The following HPSE2 variants were observed in gnomAD, a reference collection of about 807,000 sequenced individuals.
HPSE2 encodes the protein inactive heparanase-2.
HPSE2 carries 38 observed loss-of-function variants against 60.5 expected under a neutral mutation model. The observed-to-expected ratio is 0.63, with a 90% CI of 0.48 to 0.82. The LOEUF is 0.82. Among genes scored for constraint, HPSE2 ranks in the 40% least tolerant of loss-of-function variants. The pLI is 0.00. For synonymous variants in HPSE2, 295 were observed against 293.2 expected (o/e 1.01, Z -0.06); for missense variants, 713 against 740.4 (o/e 0.96, Z 0.43).
chr10:98,760,587 T>C (rs1053245833), intron 3 of HPSE2, among the ~76,000 whole-genome samples: 2 of 152,154 alleles, frequency 1.3e-5, no homozygotes, highest in African/African-American at 4.8e-5. Context: ...TCTGTTAATA[T>C]GGTATATCAC....
intron 3 of HPSE2, among the ~76,000 whole-genome samples, chr10:99,048,629 T>G (rs943542390): frequency 6.6e-6 from 1 of 152,176 alleles, no homozygotes; most frequent in Non-Finnish European, 1.5e-5. Context: ...ACACTGTTTT[T>G]GGGAATGTAA....
At chr10:98,709,608 C>T (rs1433515270) in intron 5 of HPSE2, among the ~76,000 whole-genome samples, 2 of 152,152 alleles carry the variant, frequency 1.3e-5, no homozygotes, top group African/African-American at 4.8e-5. Flanking sequence ...TATTTGGGGG[C>T]CTTCCCATCA....
chr10:98,588,391 T>C (rs1944996124), intron 9 of HPSE2, among the ~76,000 whole-genome samples: 1 of 152,120 alleles, frequency 6.6e-6, no homozygotes, highest in African/African-American at 2.4e-5. Flanking sequence ...TGACTTTTCA[T>C]ATGGAGCTGC....
At chr10:99,256,767 G>A in the HPSE2 span, among the ~76,000 whole-genome samples, 1 of 152,120 alleles carries the variant, frequency 6.6e-6, no homozygotes, top group Non-Finnish European at 1.5e-5. Flanking sequence ...AAGATTGTAG[G>A]TTATGGCTGG....
chr10:98,788,720 G>C (rs535169624), intron 3 of HPSE2, among the ~76,000 whole-genome samples: 4 of 151,824 alleles, frequency 2.6e-5, no homozygotes, highest in Non-Finnish European at 5.9e-5. Flanking sequence ...AGGTGCGTCC[G>C]TCACCCCTTT....
chr10:99,015,981 T>C (rs1957131734), intron 3 of HPSE2, among the ~76,000 whole-genome samples: 1 of 152,162 alleles, frequency 6.6e-6, no homozygotes, highest in Non-Finnish European at 1.5e-5. Context: ...TGTTCTACCA[T>C]TCTGTAGGCT....
At position 98,603,034 on chromosome 10, in the gene HPSE2, T is replaced by C. The variant is rs143369651; in HGVS notation, c.1320+11870A>G. Among the ~76,000 whole-genome samples, 454 of 152,286 alleles carry C rather than the reference T, an allele frequency of 3.0e-3. 1 individual carries two copies. Among genetic ancestry groups the C allele is most frequent in the Middle Eastern group, 0.014 (4 of 294 alleles). The stretch of plus-strand genomic sequence containing the variant: ...ATTGGACTTCTGGTTTCCACTTCCA[T>C]ATATGAGGAGTTTAGAAGTCACCAT... On this transcript the variant is annotated intron_variant, in intron 9 of 11. Coordinates refer to ENST00000370552, the MANE Select transcript of HPSE2 (RefSeq NM_021828.5).
chr10:99,297,668 G>A, the HPSE2 span, among the ~76,000 whole-genome samples: 2 of 152,146 alleles, frequency 1.3e-5, no homozygotes, highest in African/African-American at 4.8e-5. Flanking sequence ...AGAGACCCCT[G>A]TTTTGTTCAC....
the HPSE2 span, among the ~76,000 whole-genome samples, chr10:99,314,143 G>A: frequency 8.5e-5 from 13 of 152,246 alleles, no homozygotes; most frequent in African/African-American, 2.9e-4. Flanking sequence ...ATGAGCTTTA[G>A]CATTTTTCAG....
At chr10:98,570,507 T>C (rs543495211) in intron 9 of HPSE2, among the ~76,000 whole-genome samples, 8 of 152,080 alleles carry the variant, frequency 5.3e-5, no homozygotes, top group African/African-American at 1.9e-4. Flanking sequence ...TAATTAGCTC[T>C]GAATTGCCTA....
chr10:98,945,601 G>C (rs1955157168), intron 3 of HPSE2, among the ~76,000 whole-genome samples: 1 of 152,128 alleles, frequency 6.6e-6, no homozygotes, highest in African/African-American at 2.4e-5. Flanking sequence ...ATTAAAAGCA[G>C]AATAGAAAGT....
chr10:98,682,531 G>T (rs769433645), intron 6 of HPSE2, among the ~76,000 whole-genome samples: 16 of 152,154 alleles, frequency 1.1e-4, no homozygotes, highest in African/African-American at 3.9e-4. Context: ...CAGAGTATTG[G>T]TTGCTTACCC....
intron 5 of HPSE2, among the ~76,000 whole-genome samples, chr10:98,714,225 T>C (rs1011555889): frequency 6.6e-6 from 1 of 151,922 alleles, no homozygotes; most frequent in African/African-American, 2.4e-5. Context: ...ATAATTTACA[T>C]ATCATACAAT....
Position 98,743,942 on chromosome 10 carries a change from AG to A in HPSE2, c.724del (p.Leu242Ter), listed in dbSNP as rs1468046407. The A allele has an allele frequency of 6.2e-6, 10 of 1,614,112 alleles. No homozygotes were observed. The highest frequency in any genetic ancestry group is 8.5e-6 in the Non-Finnish European group (10 of 1,179,946). Reference sequence around the variant, plus strand: ...GCTGGCGCTGTACTTCAACAGACTCAGGGCACTAGAACTGTTCCAGGAGTTA... The same window carrying A: ...GCTGGCGCTGTACTTCAACAGACTCAGGCACTAGAACTGTTCCAGGAGTTA... The part of the protein sequence containing the change: ...PNNSWNSSSA[L>X]SLLKYSASKK... On this transcript the variant is annotated frameshift_variant, in exon 4 of 12. Coordinates refer to ENST00000370552, the MANE Select transcript of HPSE2 (RefSeq NM_021828.5). LOFTEE classifies it high-confidence loss of function.
chr10:98,893,002 A>G (rs1953379402), intron 3 of HPSE2, among the ~76,000 whole-genome samples: 1 of 152,100 alleles, frequency 6.6e-6, no homozygotes, highest in Admixed American at 6.5e-5. Context: ...TCTTGTAAAC[A>G]GTACTATGAG....
rs1252780 is a variant in HPSE2, at chr10:98,614,748, C to T, written c.1320+156G>A. Among the ~76,000 whole-genome samples the T allele has an allele frequency of 0.99, 150,870 of 152,160 alleles. 74,806 individuals carry two copies. Among genetic ancestry groups the T allele is most frequent in the East Asian group, 1 (5,178 of 5,178 alleles). ...GTGTTGAAGCCAAAAGTCTGTAAAA[C>T]GGATCAAGGGAACAAAGACAGGAAT... On this transcript the variant is annotated intron_variant, in intron 9 of 11. Coordinates refer to ENST00000370552, the MANE Select transcript of HPSE2 (RefSeq NM_021828.5).
intron 10 of HPSE2, among the ~76,000 whole-genome samples, chr10:98,488,026 C>G (rs1046718696): frequency 2.0e-5 from 3 of 152,156 alleles, no homozygotes; most frequent in African/African-American, 7.2e-5. Flanking sequence ...ACATGTAGAA[C>G]GGATTATGAA....
chr10:98,814,279 AGAT>A lies in HPSE2; in HGVS notation c.611-70226_611-70224del, dbSNP rs1479511519. ...TGTGACTAATATATTGAAATATAAT[AGAT>A]TTTTGTGTATTGACTTTATAGCCTA... On this transcript the variant is annotated intron_variant, in intron 3 of 11. Coordinates refer to ENST00000370552, the MANE Select transcript of HPSE2 (RefSeq NM_021828.5). 2.0e-5 allele frequency among the ~76,000 whole-genome samples: 3 copies of A among 152,182 alleles called. No individual in the cohort carries two copies. In the East Asian group the frequency reaches 5.8e-4, roughly 29 times the overall value.
intron 2 of HPSE2, among the ~76,000 whole-genome samples, chr10:99,200,255 G>C (rs904563194): frequency 6.6e-6 from 1 of 152,094 alleles, no homozygotes; most frequent in Non-Finnish European, 1.5e-5. Context: ...CTGCCTGACT[G>C]AAATGTGTTC....
Sources: allele counts gnomAD v4.1 joint callset (sites outside exome capture counted in the v4.1 genomes callset), GRCh38; gene constraint gnomAD v4.1.1; transcripts MANE v1.5; gene names NCBI Gene and HGNC (gene_info 2026-07-23, HGNC 2026-07-21).